Variants in PLPPR1 observed in about 807,000 individuals in gnomAD.
PLPPR1 encodes phospholipid phosphatase-related protein type 1.
Under a neutral mutation model 33.1 loss-of-function variants are expected in PLPPR1, and 10 were observed. The observed-to-expected ratio is 0.30, with a 90% CI of 0.19 to 0.51. The LOEUF is 0.51. Ranked by LOEUF, PLPPR1 falls within the 20% of genes least tolerant of loss-of-function variation. The pLI is 0.97. For missense variants in PLPPR1, 304 were observed against 408.1 expected (o/e 0.74, Z 2.20); for synonymous variants, 151 against 151.0 (o/e 1.00, Z 0.00).
intron 1 of PLPPR1, among the ~76,000 whole-genome samples, chr9:101,113,603 T>TGTAA (rs1347487814): frequency 1.3e-5 from 2 of 150,714 alleles, no homozygotes; most frequent in African/African-American, 2.4e-5. Context: ...TGGGGGAAAA[T>TGTAA]GTAAGTGTTA....
At chr9:101,033,175 C>A (rs1300994936) in intron 1 of PLPPR1, among the ~76,000 whole-genome samples, 1 of 152,100 alleles carries the variant, frequency 6.6e-6, no homozygotes, top group Non-Finnish European at 1.5e-5. Flanking sequence ...GAATTTCAAT[C>A]TGAAAATGCC....
At chr9:101,218,549 G>T (rs1826853083) in intron 2 of PLPPR1, among the ~76,000 whole-genome samples, 1 of 152,150 alleles carries the variant, frequency 6.6e-6, no homozygotes. Context: ...TCATAAGGAT[G>T]TGACACTTAA....
chr9:101,215,297 G>A (rs1030210347), intron 2 of PLPPR1, among the ~76,000 whole-genome samples: 1 of 150,104 alleles, frequency 6.7e-6, no homozygotes, highest in Non-Finnish European at 1.5e-5. Flanking sequence ...ATTTTTTTTT[G>A]GAGACAGAGT....
At chr9:101,134,055 C>G (rs999543211) in intron 1 of PLPPR1, among the ~76,000 whole-genome samples, 1 of 152,178 alleles carries the variant, frequency 6.6e-6, no homozygotes, top group African/African-American at 2.4e-5. Context: ...TACTAATATT[C>G]AAGGACAGTT....
chr9:101,296,904 AC>A (rs1193188224), intron 4 of PLPPR1, among the ~76,000 whole-genome samples: 2 of 152,132 alleles, frequency 1.3e-5, no homozygotes, highest in Non-Finnish European at 2.9e-5. Context: ...TATGTAACTA[AC>A]CTGCACATTG....
intron 1 of PLPPR1, among the ~76,000 whole-genome samples, chr9:101,163,128 CTG>C (rs1252808892): frequency 6.6e-6 from 1 of 152,162 alleles, no homozygotes; most frequent in Non-Finnish European, 1.5e-5. Context: ...ATCTTTTTAT[CTG>C]TGTGAATAAG....
intron 2 of PLPPR1, among the ~76,000 whole-genome samples, chr9:101,248,128 T>A (rs1827648217): frequency 6.6e-6 from 1 of 152,052 alleles, no homozygotes; most frequent in African/African-American, 2.4e-5. Context: ...ACCCTAGTTA[T>A]GGCAGTTCGG....
chr9:101,141,074 T>C (rs889853148), intron 1 of PLPPR1, among the ~76,000 whole-genome samples: 1 of 111,442 alleles, frequency 9.0e-6, no homozygotes, highest in African/African-American at 2.7e-5. Flanking sequence ...AATTTAACTC[T>C]ATGTAGGAGT....
chr9:101,265,995 C>CA lies in PLPPR1; in HGVS notation c.64-3875dup, dbSNP rs939753643. The stretch of plus-strand genomic sequence containing the variant: ...TGGGCGACAGTGCGAGACACCGCCT[C>CA]AAAAAAAAAAGGTCACAGGAGAATG... On this transcript the variant is annotated intron_variant, in intron 2 of 7. Transcript: ENST00000374874. Among the ~76,000 whole-genome samples, 1,129 of 140,882 alleles carry CA rather than the reference C, an allele frequency of 8.0e-3. 17 individuals are homozygous for CA. Among genetic ancestry groups the CA allele is most frequent in the African/African-American group, 0.028 (1,055 of 38,342 alleles). 92.4% of individuals were successfully genotyped at this position (140,882 alleles called of 152,430 possible).
At chr9:101,122,967 T>C (rs900723136) in intron 1 of PLPPR1, among the ~76,000 whole-genome samples, 1 of 152,186 alleles carries the variant, frequency 6.6e-6, no homozygotes, top group African/African-American at 2.4e-5. Flanking sequence ...TACAATGTTT[T>C]GGGGCCTCAT....
chr9:101,063,257 G>A (rs973480385), intron 1 of PLPPR1, among the ~76,000 whole-genome samples: 4 of 151,994 alleles, frequency 2.6e-5, no homozygotes, highest in Admixed American at 6.6e-5. Flanking sequence ...CAAGCTGAAG[G>A]TGGAAGAAAT....
intron 1 of PLPPR1, among the ~76,000 whole-genome samples, chr9:101,160,489 C>G (rs1831758928): frequency 6.6e-6 from 1 of 152,092 alleles, no homozygotes; most frequent in South Asian, 2.1e-4. Flanking sequence ...CATGGGAAAT[C>G]AATTTTTGGG....
chr9:101,128,114 T>C (rs1486957592), intron 1 of PLPPR1, among the ~76,000 whole-genome samples: 2 of 152,104 alleles, frequency 1.3e-5, no homozygotes, highest in East Asian at 3.9e-4. Flanking sequence ...TTGAGATATA[T>C]TGTGATATTG....
chr9:101,239,807 T>A (rs116605729), intron 2 of PLPPR1, among the ~76,000 whole-genome samples: 2,232 of 152,120 alleles, frequency 0.015, 45 homozygotes, highest in African/African-American at 0.048. Context: ...ATCCCCTTGT[T>A]AGATGAATAG....
At chr9:101,141,269 T>A (rs1831448246) in intron 1 of PLPPR1, among the ~76,000 whole-genome samples, 1 of 152,172 alleles carries the variant, frequency 6.6e-6, no homozygotes, top group South Asian at 2.1e-4. Flanking sequence ...TGTTATTTAA[T>A]CATTAGCATC....
In PLPPR1 at chr9:101,091,302, G is replaced by A. The variant is rs113914094; in HGVS notation, c.-46+62200G>A. On this transcript the variant is annotated intron_variant, in intron 1 of 7. Coordinates refer to ENST00000374874, the MANE Select transcript of PLPPR1 (RefSeq NM_207299.2). ...TTTATTGCTGCTCTAACAAATTGTC[G>A]CAGAATTAGTGATTTAAATGTACAA... is the stretch of plus-strand genomic sequence containing the variant. Among the ~76,000 whole-genome samples, 240 of 152,034 alleles carry A rather than the reference G, an allele frequency of 1.6e-3. 2 individuals carry two copies. Among genetic ancestry groups the A allele is most frequent in the African/African-American group, 5.5e-3 (228 of 41,460 alleles).
chr9:101,206,131 A>G (rs932653157), intron 2 of PLPPR1, among the ~76,000 whole-genome samples: 45 of 152,336 alleles, frequency 3.0e-4, no homozygotes, highest in African/African-American at 9.6e-4. Flanking sequence ...TCATTTCTCA[A>G]AAATGATGGG....
At chr9:101,303,746 G>A (rs889698682) in intron 4 of PLPPR1, among the ~76,000 whole-genome samples, 7 of 152,168 alleles carry the variant, frequency 4.6e-5, no homozygotes, top group Admixed American at 3.9e-4. Context: ...CAGATAAATT[G>A]TTTTTATGTC....
At chr9:101,193,228 A>T (rs1387072470) in intron 2 of PLPPR1, among the ~76,000 whole-genome samples, 1 of 152,066 alleles carries the variant, frequency 6.6e-6, no homozygotes, top group Non-Finnish European at 1.5e-5. Context: ...AGGGGGTTAG[A>T]CTCCAAGGGA....
Sources: gnomAD v4.1 joint callset for allele counts (sites outside exome capture counted in the v4.1 genomes callset) on GRCh38, gnomAD v4.1.1 for gene constraint, MANE v1.5 for transcripts, NCBI Gene and HGNC (gene_info 2026-07-23, HGNC 2026-07-21) for gene names.